TSPAN5: variants seen among roughly 807,000 people sequenced by gnomAD.
The protein encoded by TSPAN5 is tetraspanin-5.
Under a neutral mutation model 37.1 loss-of-function variants are expected in TSPAN5, and 10 were observed. The ratio of observed to expected loss-of-function variants is 0.27; its 90% CI spans 0.17 to 0.46. TSPAN5 has a LOEUF of 0.46. Among genes scored for constraint, TSPAN5 ranks in the 20% least tolerant of loss-of-function variants. TSPAN5 has a pLI of 1.00. For synonymous variants in TSPAN5, 110 were observed against 118.9 expected, an observed-to-expected ratio of 0.93 and a Z score of 0.48; for missense variants, 195 against 326.6, an observed-to-expected ratio of 0.60 and a Z score of 3.11.
intron 1 of TSPAN5, among the ~76,000 whole-genome samples, chr4:98,607,249 AG>A (rs1381105994): frequency 6.6e-6 from 1 of 152,192 alleles, no homozygotes; most frequent in Non-Finnish European, 1.5e-5. Flanking sequence ...AAAACAGGGG[AG>A]AGAGTTCATC....
chr4:98,488,751 C>T (rs969122981), intron 2 of TSPAN5, among the ~76,000 whole-genome samples: 3 of 152,132 alleles, frequency 2.0e-5, no homozygotes, highest in Admixed American at 6.6e-5. Context: ...CCAGAGAAGT[C>T]GGACAAAATC....
At chr4:98,649,075 A>T (rs1410661414) in intron 1 of TSPAN5, among the ~76,000 whole-genome samples, 2 of 152,204 alleles carry the variant, frequency 1.3e-5, no homozygotes, top group Non-Finnish European at 2.9e-5. Context: ...CCACACGAGG[A>T]GTAATTTTTT....
intron 1 of TSPAN5, among the ~76,000 whole-genome samples, chr4:98,567,158 TCTC>T (rs1436971026): frequency 6.6e-6 from 1 of 152,210 alleles, no homozygotes; most frequent in Non-Finnish European, 1.5e-5. Flanking sequence ...GACTGGATCT[TCTC>T]GTAACCTGTT....
At chr4:98,551,357 G>A (rs939476382) in intron 1 of TSPAN5, among the ~76,000 whole-genome samples, 2 of 148,614 alleles carry the variant, frequency 1.3e-5, no homozygotes, top group Non-Finnish European at 3.0e-5. Context: ...TTGTATCCTT[G>A]TCTGGTTTTG....
chr4:98,655,140 C>T lies in TSPAN5; in HGVS notation c.81+3006G>A, dbSNP rs562297531. 1.1e-4 allele frequency among the ~76,000 whole-genome samples: 17 copies of T among 152,268 alleles called. No individual in the cohort carries two copies. The East Asian group carries it at 3.1e-3, about 28-fold the overall frequency. On this transcript the variant is annotated intron_variant, in intron 1 of 7. Coordinates refer to ENST00000305798, the MANE Select transcript of TSPAN5 (RefSeq NM_005723.4). ...GATCGCAGGCGTGAGCCACCGCGCC[C>T]AGCCTTGGTTTTTTTTTGTTTTTGT...
intron 2 of TSPAN5, among the ~76,000 whole-genome samples, chr4:98,490,695 T>A (rs1240085808): frequency 6.6e-6 from 1 of 152,128 alleles, no homozygotes; most frequent in Non-Finnish European, 1.5e-5. Context: ...TTTTCCTGGG[T>A]GAAAAGAATA....
At chr4:98,653,116 T>G (rs1463971481) in intron 1 of TSPAN5, among the ~76,000 whole-genome samples, 1 of 152,230 alleles carries the variant, frequency 6.6e-6, no homozygotes, top group Non-Finnish European at 1.5e-5. Flanking sequence ...TAGATTCCCA[T>G]ATGGTTGCCA....
At chr4:98,554,277 G>A (rs963292949) in intron 1 of TSPAN5, among the ~76,000 whole-genome samples, 3 of 152,094 alleles carry the variant, frequency 2.0e-5, no homozygotes, top group Non-Finnish European at 4.4e-5. Flanking sequence ...ATCTAGTTAT[G>A]TAGCTGCCTC....
chr4:98,535,321 G>T (rs919901948), intron 1 of TSPAN5, among the ~76,000 whole-genome samples: 1 of 152,168 alleles, frequency 6.6e-6, no homozygotes, highest in Non-Finnish European at 1.5e-5. Flanking sequence ...GAAATTCTGG[G>T]TTGAAAATTC....
At position 98,658,350 on chromosome 4, in the gene TSPAN5, G is replaced by C; in HGVS notation, c.-124C>G. 1 of 786,348 alleles carries C rather than the reference G, an allele frequency of 1.3e-6. No individual in the cohort carries two copies. Among genetic ancestry groups the C allele is most frequent in the Non-Finnish European group, 2.1e-6 (1 of 475,894 alleles). The allele number at this position is 786,348 out of a possible 1,614,324, so 48.7% of individuals were successfully genotyped here. A position where few individuals can be genotyped will look rare whatever the true frequency, so the allele number is the denominator to read the frequency against. On this transcript the variant is annotated 5_prime_UTR_variant, in exon 1 of 8. Transcript: ENST00000305798. ...CACCGCACGGGGCCGCGGCGCTGGC[G>C]GCCTGGGCTCAGCCGCGCGGGGACC...
chr4:98,609,360 GGC>G, intron 1 of TSPAN5, among the ~76,000 whole-genome samples: 1 of 152,288 alleles, frequency 6.6e-6, no homozygotes, highest in Admixed American at 6.5e-5. Context: ...CCCGACCACT[GGC>G]TGGGGGAGAG....
At chr4:98,606,878 G>A (rs944550490) in intron 1 of TSPAN5, among the ~76,000 whole-genome samples, 2 of 152,216 alleles carry the variant, frequency 1.3e-5, no homozygotes, top group Admixed American at 6.5e-5. Flanking sequence ...GCATTTATGA[G>A]TAGTCACAAA....
chr4:98,495,039 C>T (rs1753169808), intron 2 of TSPAN5, among the ~76,000 whole-genome samples: 1 of 152,158 alleles, frequency 6.6e-6, no homozygotes, highest in Admixed American at 6.5e-5. Context: ...TGCGGTAAGA[C>T]AGCAGTGGTG....
intron 1 of TSPAN5, among the ~76,000 whole-genome samples, chr4:98,633,825 A>G (rs529402904): frequency 3.3e-5 from 5 of 152,320 alleles, no homozygotes; most frequent in African/African-American, 1.2e-4. Flanking sequence ...GACGCCTGTA[A>G]TACCAGCAGT....
intron 1 of TSPAN5, among the ~76,000 whole-genome samples, chr4:98,609,393 T>A (rs1190607833): frequency 1.3e-5 from 2 of 152,148 alleles, no homozygotes; most frequent in Non-Finnish European, 2.9e-5. Flanking sequence ...GTGCTCGGAA[T>A]GCTGGAGGTA....
At chr4:98,634,697 C>T (rs537751633) in intron 1 of TSPAN5, among the ~76,000 whole-genome samples, 1 of 152,286 alleles carries the variant, frequency 6.6e-6, no homozygotes, top group South Asian at 2.1e-4. Flanking sequence ...CAGGAGGTAT[C>T]CATGAAACAC....
At chr4:98,635,183 CTTAT>C (rs890799627) in intron 1 of TSPAN5, among the ~76,000 whole-genome samples, 6 of 152,232 alleles carry the variant, frequency 3.9e-5, no homozygotes, top group South Asian at 4.1e-4. Context: ...CTCACATTTT[CTTAT>C]TTAGTCATTC....
intron 1 of TSPAN5, among the ~76,000 whole-genome samples, chr4:98,626,761 C>T (rs1402796628): frequency 6.6e-6 from 1 of 152,092 alleles, no homozygotes; most frequent in Non-Finnish European, 1.5e-5. Flanking sequence ...ATCCCTTTTC[C>T]TGCCTGATTC....
At chr4:98,542,636 T>C (rs1235170062) in intron 1 of TSPAN5, among the ~76,000 whole-genome samples, 4 of 151,940 alleles carry the variant, frequency 2.6e-5, no homozygotes, top group African/African-American at 9.7e-5. Context: ...GGAGGATCGT[T>C]TGAGCCCAGG....
Sources: allele counts gnomAD v4.1 joint callset (sites outside exome capture counted in the v4.1 genomes callset), GRCh38; gene constraint gnomAD v4.1.1; transcripts MANE v1.5; gene names NCBI Gene and HGNC (gene_info 2026-07-23, HGNC 2026-07-21).